Variants in PCDH15 observed in about 807,000 individuals in gnomAD.
The protein encoded by PCDH15 is protocadherin-15.
In PCDH15, 129 loss-of-function variants were observed where a neutral mutation model predicts 178.5. That is an observed-to-expected ratio of 0.72 (90% confidence interval 0.63 to 0.84). PCDH15 has a LOEUF of 0.84. Ranked by LOEUF, PCDH15 falls within the 40% of genes least tolerant of loss-of-function variation. The pLI, the probability that PCDH15 is intolerant of heterozygous loss-of-function variation, is 0.00. For synonymous variants in PCDH15, 800 were observed against 732.0 expected (o/e 1.09, Z -1.50); for missense variants, 2,230 against 2,099.9 (o/e 1.06, Z -1.21).
chr10:55,452,627 T>A (rs1394670116), intron 2 of PCDH15, among the ~76,000 whole-genome samples: 1 of 152,192 alleles, frequency 6.6e-6, no homozygotes, highest in Non-Finnish European at 1.5e-5. Flanking sequence ...TCTGAAATGC[T>A]GCATTTAATG....
chr10:55,366,955 T>G (rs1014718906), intron 2 of PCDH15, among the ~76,000 whole-genome samples: 11 of 146,584 alleles, frequency 7.5e-5, no homozygotes, highest in African/African-American at 2.5e-4. Flanking sequence ...TTCACTTGCT[T>G]GGTTCTATAG....
chr10:54,829,777 T>C (rs554084336), intron 3 of PCDH15, among the ~76,000 whole-genome samples: 2 of 152,252 alleles, frequency 1.3e-5, no homozygotes, highest in South Asian at 4.1e-4. Flanking sequence ...TTTCATGTCA[T>C]TATGAATAAC....
chr10:54,644,361 A>G (rs1025743338), intron 2 of PCDH15, among the ~76,000 whole-genome samples: 2 of 150,700 alleles, frequency 1.3e-5, no homozygotes, highest in Non-Finnish European at 3.0e-5. Flanking sequence ...AAGCTTACTG[A>G]ATATGCTTTT....
intron 9 of PCDH15, among the ~76,000 whole-genome samples, chr10:54,223,252 G>T (rs143172928): frequency 3.8e-4 from 56 of 146,096 alleles, no homozygotes; most frequent in African/African-American, 1.2e-3. Flanking sequence ...GGAGGTTGTG[G>T]TGAGCCGAGA....
At chr10:55,021,110 C>G (rs1180866150) in intron 2 of PCDH15, among the ~76,000 whole-genome samples, 1 of 152,168 alleles carries the variant, frequency 6.6e-6, no homozygotes, top group Admixed American at 6.5e-5. Flanking sequence ...TTAACTTCGG[C>G]AAATAAACTT....
At chr10:54,637,955 G>C (rs928885995) in intron 2 of PCDH15, among the ~76,000 whole-genome samples, 3 of 152,010 alleles carry the variant, frequency 2.0e-5, no homozygotes, top group African/African-American at 7.2e-5. Context: ...ACAATACTCA[G>C]ATCTACTTGA....
rs2092978343 is a variant in PCDH15, at chr10:54,023,160, T to G, written c.2258A>C (p.His753Pro). The change falls in exon 19 of 38, where the codon CAC (histidine) becomes CCC (proline). Residue 753 changes from histidine to proline, a missense_variant. His to Pro is a moderately conservative substitution (Grantham distance 77). Coordinates refer to ENST00000644397, the MANE Select transcript of PCDH15 (RefSeq NM_001384140.1). ...ATTATTAAAGTTACCCAAACTGTAGTGCACTTGACCATTTATTCCAGCATC... is the reference window on the plus strand; with the variant it reads ...ATTATTAAAGTTACCCAAACTGTAGGGCACTTGACCATTTATTCCAGCATC... ...DPDAGINGQV[H>P]YSLGNFNNLF... 6.2e-7 allele frequency: 1 copy of G among 1,613,800 alleles called. No homozygotes were observed. Among genetic ancestry groups the G allele is most frequent in the East Asian group, 2.2e-5 (1 of 44,862 alleles).
At chr10:54,377,107 C>T (rs1319815900) in intron 4 of PCDH15, among the ~76,000 whole-genome samples, 2 of 151,894 alleles carry the variant, frequency 1.3e-5, no homozygotes, top group Admixed American at 6.6e-5. Flanking sequence ...GCAAAATGAA[C>T]AGCATAATCC....
chr10:54,783,872 C>T (rs1338525047), intron 1 of PCDH15, among the ~76,000 whole-genome samples: 1 of 152,014 alleles, frequency 6.6e-6, no homozygotes, highest in Admixed American at 6.6e-5. Flanking sequence ...TTTCATAATG[C>T]TATAAAGAAC....
intron 1 of PCDH15, among the ~76,000 whole-genome samples, chr10:55,204,727 T>G (rs1222333320): frequency 6.6e-6 from 1 of 152,044 alleles, no homozygotes; most frequent in African/African-American, 2.4e-5. Context: ...TGGTATCTTT[T>G]AATAGTATGA....
intron 1 of PCDH15, among the ~76,000 whole-genome samples, chr10:54,746,755 C>A (rs1301567817): frequency 3.3e-5 from 5 of 152,114 alleles, no homozygotes; most frequent in African/African-American, 1.2e-4. Context: ...TATACATATT[C>A]ACAACTATGG....
At chr10:54,756,487 A>C (rs986967165) in intron 1 of PCDH15, among the ~76,000 whole-genome samples, 1 of 152,162 alleles carries the variant, frequency 6.6e-6, no homozygotes, top group Non-Finnish European at 1.5e-5. Flanking sequence ...TCAATATAGA[A>C]TAAGCCATGC....
intron 1 of PCDH15, among the ~76,000 whole-genome samples, chr10:55,200,899 C>T (rs1206068182): frequency 6.6e-6 from 1 of 152,072 alleles, no homozygotes. Context: ...GCCTCCCTGC[C>T]ATGCTTCCTG....
chr10:54,165,391 C>G (rs2046116905), intron 13 of PCDH15, among the ~76,000 whole-genome samples: 1 of 152,048 alleles, frequency 6.6e-6, no homozygotes, highest in African/African-American at 2.4e-5. Context: ...GATGAATCTC[C>G]CATCTATGCA....
At chr10:54,513,112 T>G (rs575100394) in intron 3 of PCDH15, among the ~76,000 whole-genome samples, 107 of 152,156 alleles carry the variant, frequency 7.0e-4, no homozygotes, top group African/African-American at 2.5e-3. Flanking sequence ...TACAAAACAT[T>G]TTAAAAATAT....
chr10:55,566,826 T>G (rs1290827312), intron 2 of PCDH15, among the ~76,000 whole-genome samples: 4 of 151,876 alleles, frequency 2.6e-5, no homozygotes, highest in Admixed American at 1.3e-4. Flanking sequence ...ATTGGAAGAC[T>G]TAACATTGTT....
At chr10:54,855,471 T>C (rs1221734857) in intron 3 of PCDH15, among the ~76,000 whole-genome samples, 1 of 152,204 alleles carries the variant, frequency 6.6e-6, no homozygotes, top group Admixed American at 6.5e-5. Flanking sequence ...TAAAAGATTA[T>C]GGACTTGTAT....
At chr10:54,236,568 G>T (rs1215112890) in intron 9 of PCDH15, among the ~76,000 whole-genome samples, 1 of 151,988 alleles carries the variant, frequency 6.6e-6, no homozygotes. Context: ...TAATATGTAG[G>T]TTAATTTCCT....
At chr10:54,392,196 G>A (rs796283541) in intron 3 of PCDH15, among the ~76,000 whole-genome samples, 5 of 151,920 alleles carry the variant, frequency 3.3e-5, no homozygotes, top group Admixed American at 6.6e-5. Context: ...CGGGCATGGC[G>A]GCTTACACCT....
Sources: allele counts gnomAD v4.1 joint callset (sites outside exome capture counted in the v4.1 genomes callset), GRCh38; gene constraint gnomAD v4.1.1; transcripts MANE v1.5; gene names NCBI Gene and HGNC (gene_info 2026-07-23, HGNC 2026-07-21).